Variants in STARD13 observed in about 807,000 individuals in gnomAD.
The protein encoded by STARD13 is stAR-related lipid transfer protein 13.
A neutral mutation model predicts 106.4 loss-of-function variants in STARD13; 62 were observed. That is an observed-to-expected ratio of 0.58 (90% CI 0.48 to 0.72). The LOEUF (loss-of-function observed/expected upper bound fraction) is 0.72. Ranked by LOEUF, STARD13 falls within the 30% of genes least tolerant of loss-of-function variation. The pLI is 0.00. For missense variants in STARD13, 1,387 were observed against 1,424.0 expected (o/e 0.97, Z 0.42); for synonymous variants, 565 against 553.0 (o/e 1.02, Z -0.31).
At chr13:33,628,648 C>T in the STARD13 span, among the ~76,000 whole-genome samples, 1 of 152,214 alleles carries the variant, frequency 6.6e-6, no homozygotes, top group Admixed American at 6.5e-5. Flanking sequence ...ACCTGATACA[C>T]TCTTTCTTTC....
At chr13:33,284,019 T>A (rs1183913173) in intron 1 of STARD13, among the ~76,000 whole-genome samples, 2 of 152,230 alleles carry the variant, frequency 1.3e-5, no homozygotes, top group Non-Finnish European at 2.9e-5. Flanking sequence ...TCGGTGTTCA[T>A]AAAGATGATG....
At chr13:33,517,923 C>G in the STARD13 span, among the ~76,000 whole-genome samples, 3 of 152,100 alleles carry the variant, frequency 2.0e-5, no homozygotes, top group Admixed American at 2.0e-4. Context: ...TGTGTCCTGT[C>G]TACCTACTGG....
At chr13:33,338,266 G>A (rs1004285533) in intron 1 of STARD13, among the ~76,000 whole-genome samples, 6 of 152,174 alleles carry the variant, frequency 3.9e-5, no homozygotes, top group African/African-American at 1.4e-4. Context: ...AGGACATTAA[G>A]GTTCTTTTAG....
At chr13:33,457,897 G>A in the STARD13 span, among the ~76,000 whole-genome samples, 6 of 152,140 alleles carry the variant, frequency 3.9e-5, no homozygotes, top group East Asian at 9.6e-4. Flanking sequence ...TTGGTATATA[G>A]CAGTAACTCC....
chr13:33,117,968 G>C, intron 8 of STARD13, 97 bp downstream of exon 8: 11 of 1,567,180 alleles, frequency 7.0e-6, no homozygotes, highest in Non-Finnish European at 9.5e-6. Context: ...ATGGATTGAT[G>C]TATTATTCGT....
At chr13:33,421,478 C>T in the STARD13 span, among the ~76,000 whole-genome samples, 1 of 152,118 alleles carries the variant, frequency 6.6e-6, no homozygotes, top group Non-Finnish European at 1.5e-5. Context: ...AAAAAATGTC[C>T]AGGACCAGAT....
At chr13:33,230,436 T>C (rs1434457759) in intron 1 of STARD13, among the ~76,000 whole-genome samples, 1 of 152,246 alleles carries the variant, frequency 6.6e-6, no homozygotes, top group Non-Finnish European at 1.5e-5. Context: ...GCCTGAACAC[T>C]GCCTCCAACA....
the STARD13 span, among the ~76,000 whole-genome samples, chr13:33,388,390 T>C: frequency 3.3e-5 from 5 of 152,340 alleles, no homozygotes; most frequent in East Asian, 1.9e-4. Flanking sequence ...TCTTAGTGGA[T>C]GGGCAAAGTT....
At chr13:33,592,993 A>G in the STARD13 span, among the ~76,000 whole-genome samples, 13,315 of 151,932 alleles carry the variant, frequency 0.088, 759 homozygotes, top group East Asian at 0.25. Flanking sequence ...GGATGCAGGA[A>G]TGAAGGTGGG....
chr13:33,262,739 G>A (rs994532912), intron 1 of STARD13, among the ~76,000 whole-genome samples: 2 of 150,890 alleles, frequency 1.3e-5, no homozygotes, highest in Non-Finnish European at 1.5e-5. Context: ...GATCTGGGAG[G>A]TTAGAGTCCA....
rs755310009 is a variant in STARD13, at chr13:33,129,841, C to G, written c.836G>C (p.Gly279Ala). 6.2e-7 allele frequency: 1 copy of G among 1,613,016 alleles called. No homozygotes were observed. The highest frequency in any genetic ancestry group is 8.5e-7 in the Non-Finnish European group (1 of 1,180,036). ...ACTGATCACCAGGCCACCTGTCCGC[C>G]CAGACCCCTTATGCCTCCCGTGGGC... ...KGAHGRHKGS[G>A]RTGGLVISGP... is the part of the protein sequence containing the mutation. Residue 279 changes from glycine to alanine, a missense_variant, in exon 5 of 14, where the codon GGG (glycine) becomes GCG (alanine). Gly to Ala is a moderately conservative substitution (Grantham distance 60). Coordinates refer to ENST00000336934, the MANE Select transcript of STARD13 (RefSeq NM_178006.4).
chr13:33,525,893 A>G, the STARD13 span, among the ~76,000 whole-genome samples: 1 of 152,188 alleles, frequency 6.6e-6, no homozygotes, highest in South Asian at 2.1e-4. Flanking sequence ...AAGTTCCTCA[A>G]ATCTTAATTC....
At chr13:33,599,823 T>C in the STARD13 span, among the ~76,000 whole-genome samples, 1 of 152,218 alleles carries the variant, frequency 6.6e-6, no homozygotes. Context: ...TACTTCTCAA[T>C]ATGAATAAAT....
At chr13:33,317,938 C>T (rs1048981567) in intron 1 of STARD13, among the ~76,000 whole-genome samples, 1 of 152,114 alleles carries the variant, frequency 6.6e-6, no homozygotes, top group African/African-American at 2.4e-5. Flanking sequence ...TCACAATAAA[C>T]CAGTTCCCAA....
At chr13:33,218,636 T>C (rs1000500969) in intron 1 of STARD13, among the ~76,000 whole-genome samples, 2 of 152,228 alleles carry the variant, frequency 1.3e-5, no homozygotes, top group South Asian at 2.1e-4. Context: ...ACTTCATTTG[T>C]CTGACTCATA....
chr13:33,420,760 G>A, the STARD13 span, among the ~76,000 whole-genome samples: 1 of 152,174 alleles, frequency 6.6e-6, no homozygotes, highest in Non-Finnish European at 1.5e-5. Flanking sequence ...CTGTCTCTCA[G>A]ACCACAGTGC....
chr13:33,643,579 A>T, the STARD13 span, among the ~76,000 whole-genome samples: 1 of 152,256 alleles, frequency 6.6e-6, no homozygotes, highest in Non-Finnish European at 1.5e-5. Context: ...ACAATAAAGG[A>T]AATTAGCTTT....
the STARD13 span, among the ~76,000 whole-genome samples, chr13:33,587,357 A>T: frequency 6.6e-6 from 1 of 152,044 alleles, no homozygotes; most frequent in Non-Finnish European, 1.5e-5. Context: ...GACATTAAGG[A>T]GCTTCCTTTA....
chr13:33,414,465 A>G, the STARD13 span, among the ~76,000 whole-genome samples: 1 of 152,242 alleles, frequency 6.6e-6, no homozygotes, highest in African/African-American at 2.4e-5. Flanking sequence ...TCAGCTATAA[A>G]AGGAAACGAG....
Sources: allele counts gnomAD v4.1 joint callset (sites outside exome capture counted in the v4.1 genomes callset), GRCh38; gene constraint gnomAD v4.1.1; transcripts MANE v1.5; gene names NCBI Gene and HGNC (gene_info 2026-07-23, HGNC 2026-07-21).